TAMM41: variants seen among roughly 807,000 people sequenced by gnomAD.
TAMM41 encodes phosphatidate cytidylyltransferase, mitochondrial.
In TAMM41, 36 loss-of-function variants were observed where a neutral mutation model predicts 44.1. The observed-to-expected ratio is 0.82, with a 90% CI of 0.63 to 1.08. The LOEUF (loss-of-function observed/expected upper bound fraction) is 1.08. Ranked by LOEUF, TAMM41 falls within the 50% of genes least tolerant of loss-of-function variation. TAMM41 has a pLI of 0.00. For synonymous variants in TAMM41, 164 were observed against 153.1 expected, an observed-to-expected ratio of 1.07 and a Z score of -0.53; for missense variants, 417 against 404.3, an observed-to-expected ratio of 1.03 and a Z score of -0.27.
the TAMM41 span, among the ~76,000 whole-genome samples, chr3:11,734,224 T>C: frequency 5.3e-5 from 8 of 152,164 alleles, no homozygotes; most frequent in African/African-American, 1.9e-4. Context: ...GGATGACAAG[T>C]TGGCTTTTGG....
chr3:11,822,659 T>C (rs2078570079), intron 4 of TAMM41, among the ~76,000 whole-genome samples: 1 of 152,230 alleles, frequency 6.6e-6, no homozygotes, highest in Non-Finnish European at 1.5e-5. Context: ...CTGGAGTTAT[T>C]TTTACGACCT....
At position 11,800,187 on chromosome 3, in the gene TAMM41, AAAAG is replaced by A. The variant is rs1267355422; in HGVS notation, c.937+7642_937+7645del. 2.0e-5 allele frequency among the ~76,000 whole-genome samples: 3 copies of A among 152,326 alleles called. No individual in the cohort carries two copies. In the East Asian group the frequency reaches 5.8e-4, roughly 29 times the overall value. ...TTATAAAACAATCTCACAAAAGAGG[AAAAG>A]AAAGAAATCAAATTACAGAATTTCA... is the stretch of plus-strand genomic sequence containing the variant. On this transcript the variant is annotated intron_variant, in intron 7 of 7. Transcript: ENST00000455809.
the TAMM41 span, among the ~76,000 whole-genome samples, chr3:11,733,228 A>G: frequency 6.6e-6 from 1 of 151,718 alleles, no homozygotes; most frequent in South Asian, 2.1e-4. Flanking sequence ...TGAACTCCTG[A>G]CCTCAAATGA....
chr3:11,793,566 T>C (rs2077536455), intron 7 of TAMM41, among the ~76,000 whole-genome samples: 1 of 152,226 alleles, frequency 6.6e-6, no homozygotes, highest in Non-Finnish European at 1.5e-5. Context: ...CTACTTCTAA[T>C]AGTCCCAAGC....
the TAMM41 span, among the ~76,000 whole-genome samples, chr3:11,767,626 A>ATTTTTT: frequency 9.2e-4 from 56 of 60,712 alleles, 18 homozygotes; most frequent in African/African-American, 2.0e-3. Context: ...CACGTTGTGC[A>ATTTTTT]TTTTTTTTTT....
chr3:11,735,404 CA>C, the TAMM41 span, among the ~76,000 whole-genome samples: 1 of 152,040 alleles, frequency 6.6e-6, no homozygotes, highest in Non-Finnish European at 1.5e-5. Flanking sequence ...TGGGCTGAGG[CA>C]GGCAGATCAC....
At chr3:11,827,104 T>G (rs959489501) in intron 4 of TAMM41, among the ~76,000 whole-genome samples, 1 of 152,202 alleles carries the variant, frequency 6.6e-6, no homozygotes, top group African/African-American at 2.4e-5. Context: ...CCATCTGCAG[T>G]TCTTCAGGGT....
intron 1 of TAMM41, among the ~76,000 whole-genome samples, chr3:11,845,306 T>C (rs577567197): frequency 1.9e-4 from 29 of 152,258 alleles, no homozygotes; most frequent in African/African-American, 6.7e-4. Context: ...GTGAGAAAGA[T>C]GTAGGTGTTG....
the TAMM41 span, among the ~76,000 whole-genome samples, chr3:11,743,931 C>T: frequency 2.1e-4 from 32 of 152,234 alleles, no homozygotes; most frequent in Admixed American, 6.5e-4. Context: ...AATCCATGCC[C>T]AAATGAACCA....
chr3:11,795,025 T>C (rs769295083), intron 7 of TAMM41, among the ~76,000 whole-genome samples: 13 of 152,188 alleles, frequency 8.5e-5, no homozygotes, highest in Admixed American at 2.0e-4. Context: ...TTTAAATATA[T>C]AGATACCAAC....
the TAMM41 span, among the ~76,000 whole-genome samples, chr3:11,729,369 C>T: frequency 5.3e-5 from 8 of 151,826 alleles, no homozygotes; most frequent in Non-Finnish European, 8.8e-5. Flanking sequence ...AATTTGGCCG[C>T]TGCTGTCAGA....
intron 5 of TAMM41, among the ~76,000 whole-genome samples, chr3:11,814,912 T>C (rs2078224412): frequency 6.6e-6 from 1 of 152,066 alleles, no homozygotes. Flanking sequence ...CGCAGTGAGC[T>C]GGGATTACGC....
chr3:11,768,455 G>C, the TAMM41 span, among the ~76,000 whole-genome samples: 12 of 152,170 alleles, frequency 7.9e-5, no homozygotes, highest in South Asian at 6.2e-4. Context: ...TTTTAAAGTC[G>C]TGAATGTACT....
At chr3:11,747,886 T>TTA in the TAMM41 span, among the ~76,000 whole-genome samples, 3 of 151,606 alleles carry the variant, frequency 2.0e-5, no homozygotes, top group East Asian at 3.9e-4. Flanking sequence ...TATTTATTTT[T>TTA]TTTTTTGAGA....
chr3:11,802,211 C>T (rs1481445288), intron 7 of TAMM41, among the ~76,000 whole-genome samples: 1 of 152,060 alleles, frequency 6.6e-6, no homozygotes, highest in African/African-American at 2.4e-5. Flanking sequence ...TAGAGCCAGA[C>T]CCTGACTCAA....
intron 5 of TAMM41, chr3:11,816,941 G>T (rs2078303053): frequency 2.4e-6 from 1 of 423,636 alleles, no homozygotes; most frequent in African/African-American, 1.9e-5. Context: ...TGGCAAAAAA[G>T]ATATACATGG....
At chr3:11,808,005 C>A in intron 6 of TAMM41, 110 bp from the exon 7 acceptor site, 2 of 1,439,592 alleles carry the variant, frequency 1.4e-6, no homozygotes, top group Non-Finnish European at 1.8e-6. Context: ...GCCAATCAAA[C>A]CACCAAATCT....
the TAMM41 span, among the ~76,000 whole-genome samples, chr3:11,747,263 A>G: frequency 6.6e-6 from 1 of 151,714 alleles, no homozygotes; most frequent in Non-Finnish European, 1.5e-5. Context: ...GGGTTTCGCC[A>G]TGTTGGCCAG....
chr3:11,794,027 T>C (rs573591764), intron 7 of TAMM41, among the ~76,000 whole-genome samples: 93 of 152,330 alleles, frequency 6.1e-4, no homozygotes, highest in African/African-American at 2.0e-3. Context: ...AGCACCTGTA[T>C]AAGCAAGACA....
Sources: gnomAD v4.1 joint callset for allele counts (sites outside exome capture counted in the v4.1 genomes callset) on GRCh38, gnomAD v4.1.1 for gene constraint, MANE v1.5 for transcripts, NCBI Gene and HGNC (gene_info 2026-07-23, HGNC 2026-07-21) for gene names.